Variants in PDE1B observed in about 807,000 individuals in gnomAD.
PDE1B encodes dual specificity calcium/calmodulin-dependent 3',5'-cyclic nucleotide phosphodiesterase 1B.
Under a neutral mutation model 66.7 loss-of-function variants are expected in PDE1B, and 13 were observed. The observed-to-expected ratio is 0.19, with a 90% CI of 0.13 to 0.31. The LOEUF is 0.31. Among genes scored for constraint, PDE1B ranks in the 10% least tolerant of loss-of-function variants. The pLI is 1.00. For synonymous variants in PDE1B, 230 were observed against 253.9 expected (o/e 0.91, Z 0.90); for missense variants, 485 against 682.3 (o/e 0.71, Z 3.22).
At position 54,569,668 on chromosome 12, in the gene PDE1B, G is replaced by A; in HGVS notation, c.477+56G>A. ...AAGTTAGGGGATGGAATAGCCACTG[G>A]GACTTCTAGACCCTGTTTATGGCAT... On this transcript the variant is annotated intron_variant, in intron 5 of 15. Coordinates refer to ENST00000243052, the MANE Select transcript of PDE1B (RefSeq NM_000924.4). This position sits in a 1 kb window ranked among gnomAD's most constrained non-coding sequence, Gnocchi z 4.4. The A allele has an allele frequency of 8.4e-7, 1 of 1,191,764 alleles. No homozygotes were observed. The highest frequency in any genetic ancestry group is 1.3e-6 in the Non-Finnish European group (1 of 794,754). The allele number at this position is 1,191,764 out of a possible 1,614,324, so 73.8% of individuals were successfully genotyped here. A position where few individuals can be genotyped will look rare whatever the true frequency, so the allele number is the denominator to read the frequency against.
At chr12:54,559,712 G>T (rs1957382443) in intron 2 of PDE1B, among the ~76,000 whole-genome samples, 4 of 152,174 alleles carry the variant, frequency 2.6e-5, no homozygotes, top group African/African-American at 9.7e-5. Context: ...TCCTCTTCGA[G>T]GCTTTTCTAG....
At chr12:54,556,968 C>G (rs1419170906) in intron 2 of PDE1B, among the ~76,000 whole-genome samples, 1 of 152,022 alleles carries the variant, frequency 6.6e-6, no homozygotes, top group Admixed American at 6.6e-5. Context: ...CCTTTTATTC[C>G]TATTTGTTGG....
chr12:54,579,180 CT>C lies in PDE1B; in HGVS notation c.*1339del. The C allele has an allele frequency of 1.1e-6, 1 of 915,152 alleles. No individual in the cohort carries two copies. The highest frequency in any genetic ancestry group is 1.3e-6 in the Non-Finnish European group (1 of 766,034). The allele number at this position is 915,152 out of a possible 1,614,324, so 56.7% of individuals were successfully genotyped here. A position where few individuals can be genotyped will look rare whatever the true frequency, so the allele number is the denominator to read the frequency against. On this transcript the variant is annotated 3_prime_UTR_variant, in exon 16 of 16. Coordinates refer to ENST00000243052, the MANE Select transcript of PDE1B (RefSeq NM_000924.4). ...GGGCAGAGACGCATGTGACTCACCC[CT>C]GCCCTTGGTTTCCCAGACCCCTGCT...
At chr12:54,557,224 C>T (rs1957352886) in intron 2 of PDE1B, among the ~76,000 whole-genome samples, 1 of 152,178 alleles carries the variant, frequency 6.6e-6, no homozygotes, top group Non-Finnish European at 1.5e-5. Context: ...ACTTCTTGGT[C>T]CCTCCTATTC....
chr12:54,569,412 C>A lies in PDE1B; in HGVS notation c.410+46C>A. The A allele has an allele frequency of 6.3e-7, 1 of 1,589,710 alleles. No individual in the cohort carries two copies. The highest frequency in any genetic ancestry group is 8.6e-7 in the Non-Finnish European group (1 of 1,165,848). On this transcript the variant is annotated intron_variant, in intron 4 of 15. Coordinates refer to ENST00000243052, the MANE Select transcript of PDE1B (RefSeq NM_000924.4). The surrounding 1 kb of genome is among the most constrained non-coding windows in gnomAD (Gnocchi z 4.4). ...GCCTCCCTCTGCCTTTAGCTGTGCC[C>A]CTCTTTCCCAGCCACCCTGGTCTTC...
chr12:54,561,666 G>T (rs1239290869), intron 2 of PDE1B: 3 of 1,491,188 alleles, frequency 2.0e-6, no homozygotes, highest in Non-Finnish European at 2.7e-6. Context: ...AAGAGGAAGG[G>T]GGAGGAGGGA....
Position 54,577,710 on chromosome 12 carries a change from T to C in PDE1B, c.*18-150T>C, listed in dbSNP as rs745736778. The C allele has an allele frequency of 7.8e-4, 457 of 588,286 alleles. 1 individual carries two copies. The highest frequency in any genetic ancestry group is 1.1e-3 in the Non-Finnish European group (415 of 364,314). The allele number at this position is 588,286 out of a possible 1,614,324, so 36.4% of individuals were successfully genotyped here. A position where few individuals can be genotyped will look rare whatever the true frequency, so the allele number is the denominator to read the frequency against. On this transcript the variant is annotated intron_variant, in intron 15 of 15. Transcript: ENST00000243052. ...TGAACGTGACTTCGACTTCAGCCCC[T>C]ATTCACCCCCTTGGCTGGGCACCCT...
intron 10 of PDE1B, chr12:54,574,544 G>T (rs1179290837): frequency 6.5e-6 from 1 of 152,716 alleles, no homozygotes; most frequent in African/African-American, 2.4e-5. Context: ...CATGTGGTAG[G>T]TATAGACGTG....
chr12:54,559,734 T>A (rs1261311809), intron 2 of PDE1B, among the ~76,000 whole-genome samples: 2 of 152,174 alleles, frequency 1.3e-5, no homozygotes, highest in Non-Finnish European at 2.9e-5. Flanking sequence ...CTAAGAAATC[T>A]TTACTTTTCA....
intron 2 of PDE1B, among the ~76,000 whole-genome samples, chr12:54,553,202 G>C (rs1056316772): frequency 6.6e-6 from 1 of 152,266 alleles, no homozygotes. Flanking sequence ...TACCACTCTG[G>C]GTTTCTGCCT....
chr12:54,568,721 G>C (rs894420078), intron 3 of PDE1B, among the ~76,000 whole-genome samples: 2 of 151,980 alleles, frequency 1.3e-5, no homozygotes, highest in African/African-American at 4.8e-5. Context: ...GCTCGAACCC[G>C]GGAGGCGGAG....
At chr12:54,551,265 C>T (rs1957274038) in intron 2 of PDE1B, among the ~76,000 whole-genome samples, 1 of 152,300 alleles carries the variant, frequency 6.6e-6, no homozygotes, top group South Asian at 2.1e-4. Flanking sequence ...GATTTATACA[C>T]TAGCTACTTG....
Position 54,573,867 on chromosome 12 carries a change from G to GAA in PDE1B, c.1064+159_1064+160insAA. On this transcript the variant is annotated intron_variant, in intron 10 of 15. Coordinates refer to ENST00000243052, the MANE Select transcript of PDE1B (RefSeq NM_000924.4). This position sits in a 1 kb window ranked among gnomAD's most constrained non-coding sequence, Gnocchi z 5.2. ...ACTGCATCTCTATGTGAGAGAGAGA[G>GAA]AGAGTGTGTGTGTGTGTGTGTGTGT... 3 of 537,868 alleles carry GAA rather than the reference G, an allele frequency of 5.6e-6. No individual in the cohort carries two copies. The highest frequency in any genetic ancestry group is 6.7e-6 in the Non-Finnish European group (2 of 300,422). 33.3% of individuals were successfully genotyped at this position (537,868 alleles called of 1,614,324 possible).
Position 54,566,981 on chromosome 12 carries a change from T to C in PDE1B, c.121T>C (p.Tyr41His), listed in dbSNP as rs61733023. Residue 41 changes from tyrosine (Y) to histidine (H), a missense_variant, in exon 3 of 16, where the codon TAC (tyrosine) becomes CAC (histidine). Tyr to His is a moderately conservative substitution (Grantham distance 83, BLOSUM62 2). Transcript: ENST00000243052. ...MWIKLRSLLR[Y>H]MVKQLENGEI... is the part of the protein sequence containing the mutation. Reference sequence around the variant, plus strand: ...TGTATCTGCTCCCTGCAGGCTGCGCTACATGGTGAAGCAGTTGGAGAATGG... The same window carrying C: ...TGTATCTGCTCCCTGCAGGCTGCGCCACATGGTGAAGCAGTTGGAGAATGG... 1 of 1,607,084 alleles carries C rather than the reference T, an allele frequency of 6.2e-7. No homozygotes were observed. Among genetic ancestry groups the C allele is most frequent in the Non-Finnish European group, 8.5e-7 (1 of 1,174,578 alleles).
chr12:54,561,887 T>C (rs1957423075), intron 2 of PDE1B, among the ~76,000 whole-genome samples: 1 of 152,098 alleles, frequency 6.6e-6, no homozygotes, highest in African/African-American at 2.4e-5. Context: ...TTCTTGACTA[T>C]GGTAGGTGAC....
At position 54,569,518 on chromosome 12, in the gene PDE1B, T is replaced by C. The variant is rs1194728522; in HGVS notation, c.411-28T>C. On this transcript the variant is annotated intron_variant, in intron 4 of 15. Coordinates refer to ENST00000243052, the MANE Select transcript of PDE1B (RefSeq NM_000924.4). The surrounding 1 kb of genome is among the most constrained non-coding windows in gnomAD (Gnocchi z 4.4). Reference sequence around the variant, plus strand: ...ACCTCCACTCCCAGACCTTCATATGTGGGCTTCTTCTCATTGTTCTCTCTC... The same window carrying C: ...ACCTCCACTCCCAGACCTTCATATGCGGGCTTCTTCTCATTGTTCTCTCTC... The C allele has an allele frequency of 1.4e-5, 23 of 1,606,680 alleles. No individual in the cohort carries two copies. The highest frequency in any genetic ancestry group is 1.7e-5 in the Non-Finnish European group (20 of 1,173,272).
chr12:54,559,216 A>G (rs1592368610), intron 2 of PDE1B, among the ~76,000 whole-genome samples: 1 of 120,306 alleles, frequency 8.3e-6, no homozygotes, highest in African/African-American at 3.2e-5. Context: ...CCGAGCACCC[A>G]CCCCTTTACC....
chr12:54,562,307 C>T (rs1957432256), intron 2 of PDE1B, among the ~76,000 whole-genome samples: 1 of 152,202 alleles, frequency 6.6e-6, no homozygotes, highest in Non-Finnish European at 1.5e-5. Context: ...CTTTTCCTCC[C>T]AATGGCTGCC....
intron 2 of PDE1B, among the ~76,000 whole-genome samples, chr12:54,553,663 T>C (rs1187682635): frequency 6.6e-6 from 1 of 152,192 alleles, no homozygotes; most frequent in African/African-American, 2.4e-5. Flanking sequence ...GGTGCGTGTA[T>C]ACCTCCGTGT....
Sources: allele counts gnomAD v4.1 joint callset (sites outside exome capture counted in the v4.1 genomes callset), GRCh38; gene constraint gnomAD v4.1.1; non-coding constraint Gnocchi (gnomAD v3.1); transcripts MANE v1.5; gene names NCBI Gene and HGNC (gene_info 2026-07-23, HGNC 2026-07-21).